SPIDR: variants seen among roughly 807,000 people sequenced by gnomAD.
SPIDR encodes DNA repair-scaffolding protein.
Under a neutral mutation model 104.6 loss-of-function variants are expected in SPIDR, and 93 were observed. The ratio of observed to expected loss-of-function variants is 0.89; its 90% CI spans 0.75 to 1.06. The LOEUF is 1.06. SPIDR is among the 50% of genes least tolerant of loss of function. The pLI, the probability that SPIDR is intolerant of heterozygous loss-of-function variation, is 0.00. For synonymous variants in SPIDR, 431 were observed against 416.9 expected, an observed-to-expected ratio of 1.03 and a Z score of -0.41; for missense variants, 1,154 against 1,111.2, an observed-to-expected ratio of 1.04 and a Z score of -0.55.
chr8:47,644,478 G>A (rs1163936050), intron 10 of SPIDR, among the ~76,000 whole-genome samples: 2 of 152,142 alleles, frequency 1.3e-5, no homozygotes, highest in Non-Finnish European at 2.9e-5. Context: ...CCTCGTGTTG[G>A]GTTTAGGAAT....
intron 5 of SPIDR, among the ~76,000 whole-genome samples, chr8:47,334,605 GAT>G (rs2049351384): frequency 6.6e-6 from 1 of 152,118 alleles, no homozygotes; most frequent in South Asian, 2.1e-4. Flanking sequence ...ATGTTAGCAT[GAT>G]ATATCTTTCT....
intron 8 of SPIDR, among the ~76,000 whole-genome samples, chr8:47,462,386 T>G (rs1477185055): frequency 6.6e-6 from 1 of 152,152 alleles, no homozygotes; most frequent in African/African-American, 2.4e-5. Flanking sequence ...CCTGGTATAT[T>G]CCTGCAGTAG....
chr8:47,493,680 T>A (rs1274008692), intron 8 of SPIDR, among the ~76,000 whole-genome samples: 1 of 152,164 alleles, frequency 6.6e-6, no homozygotes, highest in African/African-American at 2.4e-5. Flanking sequence ...TGAGAAAATC[T>A]TACTGTTTTT....
chr8:47,307,340 C>T (rs1363078599), intron 5 of SPIDR, among the ~76,000 whole-genome samples: 1 of 151,018 alleles, frequency 6.6e-6, no homozygotes. Context: ...CCTGCCTCAG[C>T]CTCCTGAGGC....
chr8:47,602,448 G>A (rs754036195), intron 10 of SPIDR, among the ~76,000 whole-genome samples: 1 of 152,192 alleles, frequency 6.6e-6, no homozygotes, highest in Non-Finnish European at 1.5e-5. Flanking sequence ...CTTGATTACT[G>A]TGTGTTTTCT....
intron 7 of SPIDR, among the ~76,000 whole-genome samples, chr8:47,438,263 A>G (rs944175768): frequency 5.6e-4 from 86 of 152,242 alleles, no homozygotes; most frequent in African/African-American, 2.0e-3. Context: ...GAGACAGGGG[A>G]GGTTTCAGGC....
At chr8:47,484,198 A>T (rs1200362182) in intron 8 of SPIDR, among the ~76,000 whole-genome samples, 2 of 152,248 alleles carry the variant, frequency 1.3e-5, no homozygotes, top group African/African-American at 4.8e-5. Context: ...GGGAAGTTGC[A>T]GGTGTAATTT....
chr8:47,490,584 T>C (rs2078522660), intron 8 of SPIDR, among the ~76,000 whole-genome samples: 1 of 152,168 alleles, frequency 6.6e-6, no homozygotes, highest in Non-Finnish European at 1.5e-5. Flanking sequence ...TAGCAAAGAC[T>C]TGGAACCAAC....
intron 8 of SPIDR, among the ~76,000 whole-genome samples, chr8:47,508,398 T>C (rs1241482708): frequency 6.6e-6 from 1 of 151,820 alleles, no homozygotes; most frequent in African/African-American, 2.4e-5. Flanking sequence ...TTAACTGGAG[T>C]TTCTCCTTGA....
At chr8:47,457,864 T>C (rs879992482) in intron 8 of SPIDR, among the ~76,000 whole-genome samples, 4 of 152,298 alleles carry the variant, frequency 2.6e-5, no homozygotes, top group Admixed American at 1.3e-4. Flanking sequence ...CTTTCCCCAC[T>C]TTATGTTTTT....
intron 14 of SPIDR, among the ~76,000 whole-genome samples, chr8:47,707,145 T>C (rs993890217): frequency 6.6e-6 from 1 of 151,840 alleles, no homozygotes; most frequent in African/African-American, 2.4e-5. Flanking sequence ...TCCCAGCTAC[T>C]TGGGAGGCTG....
intron 3 of SPIDR, among the ~76,000 whole-genome samples, chr8:47,285,826 G>T (rs1349114155): frequency 1.3e-5 from 2 of 152,140 alleles, no homozygotes; most frequent in Non-Finnish European, 1.5e-5. Context: ...TTTGAATTTT[G>T]GTGGGGGGGG....
intron 8 of SPIDR, among the ~76,000 whole-genome samples, chr8:47,581,432 G>T (rs1372852483): frequency 6.6e-6 from 1 of 152,074 alleles, no homozygotes; most frequent in East Asian, 1.9e-4. Context: ...TTATAAGTGG[G>T]GTCATGTTTT....
At chr8:47,487,121 ACACACATAGG>A (rs1283315259) in intron 8 of SPIDR, among the ~76,000 whole-genome samples, 1 of 152,222 alleles carries the variant, frequency 6.6e-6, no homozygotes, top group African/African-American at 2.4e-5. Flanking sequence ...ATGTGCAGAG[ACACACATAGG>A]CTCAAAACAA....
chr8:47,276,666 G>A (rs1435738998), intron 1 of SPIDR, among the ~76,000 whole-genome samples: 6 of 152,208 alleles, frequency 3.9e-5, no homozygotes, highest in Non-Finnish European at 8.8e-5. Flanking sequence ...ATATTCAAAT[G>A]GATAACTCTA....
chr8:47,592,544 C>A, intron 8 of SPIDR: 4 of 1,338,790 alleles, frequency 3.0e-6, no homozygotes, highest in Non-Finnish European at 3.2e-6. Context: ...TGCTTTGATG[C>A]CAGGAACTGG....
At chr8:47,551,494 C>G (rs138040415) in intron 8 of SPIDR, among the ~76,000 whole-genome samples, 7,939 of 152,116 alleles carry the variant, frequency 0.052, 297 homozygotes, top group Middle Eastern at 0.13. Context: ...CTGGTTTAGT[C>G]TTGGGAGGGT....
At position 47,425,125 on chromosome 8, in the gene SPIDR, A is replaced by G. The variant is rs578042339; in HGVS notation, c.878-15198A>G. 3.3e-5 allele frequency among the ~76,000 whole-genome samples: 5 copies of G among 152,194 alleles called. 1 individual carries two copies. The South Asian group carries it at 1.0e-3, about 31-fold the overall frequency. On this transcript the variant is annotated intron_variant, in intron 7 of 19. Coordinates refer to ENST00000297423, the MANE Select transcript of SPIDR (RefSeq NM_001080394.4). ...CAGTGTTTTTCAATCATCCAGATGA[A>G]AATTTTATATATGCTCATATTTCTG...
At position 47,673,904 on chromosome 8, in the gene SPIDR, G is replaced by C. The variant is rs766287284; in HGVS notation, c.1648G>C (p.Val550Leu). The change falls in exon 11 of 20, where the codon GTG (valine) becomes CTG (leucine). Residue 550 changes from valine (V) to leucine (L), a missense_variant. By Grantham distance (32) the Val-to-Leu change is conservative. Transcript: ENST00000297423. ...RQLEGKSCSLVGMKVLQKVTR... is the reference protein window; with the variant it reads ...RQLEGKSCSLLGMKVLQKVTR... Reference sequence around the variant, plus strand: ...GTTGGAAGGGAAGTCTTGCAGCCTGGTGGGAATGAAGGTTCTACAGAAAGT... The same window carrying C: ...GTTGGAAGGGAAGTCTTGCAGCCTGCTGGGAATGAAGGTTCTACAGAAAGT... 2 of 1,614,116 alleles carry C rather than the reference G, an allele frequency of 1.2e-6. No individual in the cohort carries two copies. The highest frequency in any genetic ancestry group is 8.5e-7 in the Non-Finnish European group (1 of 1,179,996).
Sources: allele counts gnomAD v4.1 joint callset (sites outside exome capture counted in the v4.1 genomes callset), GRCh38; gene constraint gnomAD v4.1.1; transcripts MANE v1.5; gene names NCBI Gene and HGNC (gene_info 2026-07-23, HGNC 2026-07-21).